The following CTNNA3 variants were observed in gnomAD, a reference collection of about 807,000 sequenced individuals.
CTNNA3 encodes the protein catenin alpha-3.
CTNNA3 carries 76 observed loss-of-function variants against 95.7 expected under a neutral mutation model. The observed-to-expected ratio is 0.79, with a 90% CI of 0.66 to 0.96. The LOEUF (loss-of-function observed/expected upper bound fraction) is 0.96, where lower values mean the gene tolerates loss of function less well. Among genes scored for constraint, CTNNA3 ranks in the 40% least tolerant of loss-of-function variants. CTNNA3 has a pLI of 0.00. For synonymous variants in CTNNA3, 431 were observed against 374.4 expected (o/e 1.15, Z -1.74); for missense variants, 1,191 against 1,089.8 (o/e 1.09, Z -1.31).
At chr10:66,419,289 C>T (rs2093171920) in intron 11 of CTNNA3, among the ~76,000 whole-genome samples, 1 of 152,070 alleles carries the variant, frequency 6.6e-6, no homozygotes, top group Admixed American at 6.5e-5. Flanking sequence ...GAACAGCAAT[C>T]CCATTTCCAC....
At chr10:67,688,492 TC>T (rs1359391411) in intron 1 of CTNNA3, among the ~76,000 whole-genome samples, 11 of 152,210 alleles carry the variant, frequency 7.2e-5, no homozygotes, top group Admixed American at 7.2e-4. Flanking sequence ...GGTATTTCAC[TC>T]CATTTGCCTT....
At chr10:66,499,927 G>C (rs2456684) in intron 11 of CTNNA3, among the ~76,000 whole-genome samples, 25,827 of 151,088 alleles carry the variant, frequency 0.17, 2,390 homozygotes, top group African/African-American at 0.22. Flanking sequence ...CTCAGCCTCC[G>C]GAGTAGCTGG....
At chr10:66,534,217 G>T (rs1841569346) in intron 10 of CTNNA3, among the ~76,000 whole-genome samples, 1 of 151,932 alleles carries the variant, frequency 6.6e-6, no homozygotes, top group African/African-American at 2.4e-5. Flanking sequence ...TATATTACTT[G>T]GTTAGCTAGA....
intron 7 of CTNNA3, among the ~76,000 whole-genome samples, chr10:67,179,404 T>C (rs775185983): frequency 2.0e-5 from 3 of 150,694 alleles, no homozygotes; most frequent in African/African-American, 7.4e-5. Flanking sequence ...TTCATATATA[T>C]GTATAAATAC....
At chr10:66,362,096 A>ATTTTTTT (rs569047811) in intron 12 of CTNNA3, among the ~76,000 whole-genome samples, 3 of 81,776 alleles carry the variant, frequency 3.7e-5, no homozygotes, top group Admixed American at 1.5e-4. Flanking sequence ...TTCATACACA[A>ATTTTTTT]TTTTTTTTTT....
chr10:66,920,056 A>G (rs1846710296), intron 7 of CTNNA3, among the ~76,000 whole-genome samples: 1 of 152,198 alleles, frequency 6.6e-6, no homozygotes, highest in Admixed American at 6.5e-5. Flanking sequence ...TTCCTATAAT[A>G]TTAGTAAATT....
chr10:65,978,478 A>T (rs2078252210), intron 16 of CTNNA3, among the ~76,000 whole-genome samples: 1 of 117,304 alleles, frequency 8.5e-6, no homozygotes. Context: ...TTTGTTCCTG[A>T]GCAATTTTTT....
intron 11 of CTNNA3, among the ~76,000 whole-genome samples, chr10:66,475,674 C>T (rs558365175): frequency 1.9e-4 from 29 of 152,112 alleles, no homozygotes; most frequent in Non-Finnish European, 3.2e-4. Flanking sequence ...TATCGTCTCA[C>T]GCCAGTCAGA....
At chr10:67,114,294 C>T (rs1329782031) in intron 7 of CTNNA3, among the ~76,000 whole-genome samples, 2 of 151,962 alleles carry the variant, frequency 1.3e-5, no homozygotes, top group African/African-American at 4.8e-5. Flanking sequence ...TCTACATTTA[C>T]ATTTTAAAAA....
At chr10:66,801,177 A>G (rs1841413826) in intron 7 of CTNNA3, among the ~76,000 whole-genome samples, 2 of 151,578 alleles carry the variant, frequency 1.3e-5, no homozygotes, top group East Asian at 1.9e-4. Context: ...GGAAATAAAT[A>G]TAAAGTACAA....
In CTNNA3 at chr10:67,732,060, G is replaced by A. The variant is rs552284273; in HGVS notation, c.-2+31374C>T. Among the ~76,000 whole-genome samples the A allele has an allele frequency of 3.0e-4, 45 of 150,684 alleles. 1 individual carries two copies. The South Asian group carries it at 8.9e-3, about 30-fold the overall frequency. ...CTCCCAAAGTGCTGAGATTACAGGC[G>A]TGAGCCATCATGCCTGGCCCATCTT... On this transcript the variant is annotated intron_variant, in intron 1 of 17. Transcript: ENST00000684154.
chr10:67,632,063 A>G (rs1429493416), intron 2 of CTNNA3, among the ~76,000 whole-genome samples: 2 of 151,802 alleles, frequency 1.3e-5, no homozygotes, highest in African/African-American at 4.8e-5. Flanking sequence ...CATGGTGACT[A>G]TAGTTAACAT....
chr10:67,344,491 C>A (rs1842339058), intron 5 of CTNNA3, among the ~76,000 whole-genome samples: 2 of 151,978 alleles, frequency 1.3e-5, no homozygotes, highest in Admixed American at 6.6e-5. Context: ...CTTTTCTTTA[C>A]TAGGAGACTT....
At chr10:67,093,127 T>C (rs1857755156) in intron 7 of CTNNA3, among the ~76,000 whole-genome samples, 1 of 151,714 alleles carries the variant, frequency 6.6e-6, no homozygotes, top group South Asian at 2.1e-4. Context: ...GAGAGAAACT[T>C]AATTCTCAGA....
intron 7 of CTNNA3, among the ~76,000 whole-genome samples, chr10:66,908,116 A>T (rs146468556): frequency 1.1e-3 from 167 of 152,344 alleles, no homozygotes; most frequent in African/African-American, 3.8e-3. Context: ...AAGTTAGTAC[A>T]TGCCACATGC....
intron 5 of CTNNA3, among the ~76,000 whole-genome samples, chr10:67,503,776 T>TA (rs1236885615): frequency 6.6e-6 from 1 of 152,180 alleles, no homozygotes; most frequent in African/African-American, 2.4e-5. Context: ...CTACTGACAT[T>TA]AAAAAATTAC....
At chr10:66,533,909 A>C (rs1247188273) in intron 10 of CTNNA3, among the ~76,000 whole-genome samples, 2 of 152,164 alleles carry the variant, frequency 1.3e-5, no homozygotes, top group Admixed American at 6.5e-5. Context: ...CATCCTTACA[A>C]AAGAGTTAAA....
Position 67,540,960 on chromosome 10 carries a change from A to T in CTNNA3, c.293-1291T>A, listed in dbSNP as rs1008385584. On this transcript the variant is annotated intron_variant, in intron 3 of 17. Coordinates refer to ENST00000433211, the MANE Select transcript of CTNNA3 (RefSeq NM_013266.4). ...TTACTCTTCGTTTTCTTCTTTTTTT[A>T]ATAATATAAAATAATAAACCTACTA... 1.2e-3 allele frequency among the ~76,000 whole-genome samples: 182 copies of T among 151,908 alleles called. 2 individuals are homozygous for T. Among genetic ancestry groups the T allele is most frequent in the African/African-American group, 4.0e-3 (168 of 41,494 alleles).
At chr10:67,082,579 C>T (rs1263358065) in intron 7 of CTNNA3, among the ~76,000 whole-genome samples, 1 of 152,228 alleles carries the variant, frequency 6.6e-6, no homozygotes, top group East Asian at 1.9e-4. Context: ...CTTCACAAGC[C>T]TCCTAGGAAA....
Sources: allele counts gnomAD v4.1 joint callset (sites outside exome capture counted in the v4.1 genomes callset), GRCh38; gene constraint gnomAD v4.1.1; transcripts MANE v1.5; gene names NCBI Gene and HGNC (gene_info 2026-07-23, HGNC 2026-07-21).